TRAPPC3L: variants seen among roughly 807,000 people sequenced by gnomAD.
TRAPPC3L encodes the protein trafficking protein particle complex subunit 3L.
TRAPPC3L carries 23 observed loss-of-function variants against 23.7 expected under a neutral mutation model. The observed-to-expected ratio is 0.97, with a 90% CI of 0.70 to 1.37. The LOEUF (loss-of-function observed/expected upper bound fraction) is 1.37, where lower values mean the gene tolerates loss of function less well. TRAPPC3L is among the 40% of genes most tolerant of loss of function. The probability of loss-of-function intolerance (pLI) is 0.00; values close to 1 mark genes in which losing one functional copy is unlikely to be tolerated. For synonymous variants in TRAPPC3L, 81 were observed against 77.9 expected, an observed-to-expected ratio of 1.04 and a Z score of -0.21; for missense variants, 212 against 216.8, an observed-to-expected ratio of 0.98 and a Z score of 0.14.
At chr6:116,515,495 G>A in intron 3 of TRAPPC3L, 1 of 1,213,122 alleles carries the variant, frequency 8.2e-7, no homozygotes, top group Non-Finnish European at 1.2e-6. Context: ...AATGAGGTAT[G>A]TCAAAGACTG....
rs956989843 is a variant in TRAPPC3L, at chr6:116,495,889, T to C, written c.*1065A>G. 7.9e-5 allele frequency: 12 copies of C among 152,240 alleles called. No individual in the cohort carries two copies. Among genetic ancestry groups the C allele is most frequent in the African/African-American group, 2.9e-4 (12 of 41,470 alleles). The allele number at this position is 152,240 out of a possible 1,614,324, so 9.4% of individuals were successfully genotyped here. ...GATTATTAATTTTAATTTTTTCCTA[T>C]GGAGTTGGTTGAACTCCTTATATAT... is the stretch of plus-strand genomic sequence containing the variant. On this transcript the variant is annotated 3_prime_UTR_variant, in exon 5 of 5. Coordinates refer to ENST00000368602, the MANE Select transcript of TRAPPC3L (RefSeq NM_001139444.3).
At chr6:116,537,148 G>A (rs1773150632) in intron 3 of TRAPPC3L, among the ~76,000 whole-genome samples, 1 of 152,190 alleles carries the variant, frequency 6.6e-6, no homozygotes, top group Non-Finnish European at 1.5e-5. Flanking sequence ...TCTTACACTA[G>A]AGAAGGGTGA....
chr6:116,500,322 C>T (rs1346011115), intron 4 of TRAPPC3L, among the ~76,000 whole-genome samples, 159 bp downstream of exon 4: 8 of 152,272 alleles, frequency 5.3e-5, no homozygotes, highest in Admixed American at 2.0e-4. Flanking sequence ...AGATAATAAA[C>T]GTTTGTTTTT....
At chr6:116,507,848 A>T (rs1193317149) in intron 3 of TRAPPC3L, among the ~76,000 whole-genome samples, 1 of 152,236 alleles carries the variant, frequency 6.6e-6, no homozygotes, top group Non-Finnish European at 1.5e-5. Context: ...CAATGTGGAA[A>T]TGGAAGAAAT....
At chr6:116,498,352 A>G (rs1468431878) in intron 4 of TRAPPC3L, among the ~76,000 whole-genome samples, 1 of 152,206 alleles carries the variant, frequency 6.6e-6, no homozygotes, top group Non-Finnish European at 1.5e-5. Context: ...AAGTCTAAAA[A>G]GATGCTAGGG....
At chr6:116,530,934 TA>T in intron 3 of TRAPPC3L, among the ~76,000 whole-genome samples, 1 of 144,578 alleles carries the variant, frequency 6.9e-6, no homozygotes, top group South Asian at 2.2e-4. Context: ...TATATATATA[TA>T]TATATATATG....
chr6:116,535,376 G>C (rs1372441242), intron 3 of TRAPPC3L, among the ~76,000 whole-genome samples: 1 of 152,184 alleles, frequency 6.6e-6, no homozygotes, highest in African/African-American at 2.4e-5. Flanking sequence ...TCATCTACTG[G>C]TGAGGATCAC....
intron 3 of TRAPPC3L, among the ~76,000 whole-genome samples, chr6:116,526,346 G>C (rs1223426414): frequency 6.6e-6 from 1 of 152,162 alleles, no homozygotes. Context: ...AGGGTCTGGA[G>C]GCGTGGCAGC....
chr6:116,529,260 C>T (rs1368779838), intron 3 of TRAPPC3L: 2 of 152,248 alleles, frequency 1.3e-5, no homozygotes, highest in Non-Finnish European at 2.9e-5. Flanking sequence ...ACCTGGGTTT[C>T]CTACTTCAAT....
chr6:116,510,158 C>A (rs1029579098), intron 3 of TRAPPC3L, among the ~76,000 whole-genome samples: 5 of 152,170 alleles, frequency 3.3e-5, no homozygotes, highest in African/African-American at 1.2e-4. Flanking sequence ...ATGGCTATTA[C>A]TAAAAAGGCA....
At chr6:116,533,946 C>T (rs1301842582) in intron 3 of TRAPPC3L, among the ~76,000 whole-genome samples, 2 of 152,102 alleles carry the variant, frequency 1.3e-5, no homozygotes, top group Non-Finnish European at 2.9e-5. Context: ...TGTTCCCTGC[C>T]GGCAGTCTGA....
chr6:116,500,501 T>A lies in TRAPPC3L; in HGVS notation c.406A>T (p.Ile136Phe). 12 of 1,550,622 alleles carry A rather than the reference T, an allele frequency of 7.7e-6. No individual in the cohort carries two copies. Among genetic ancestry groups the A allele is most frequent in the Non-Finnish European group, 1.0e-5 (12 of 1,146,474 alleles). Residue 136 changes from isoleucine (I) to phenylalanine (F), a missense_variant, in exon 4 of 5, where the codon ATC becomes TTC. Ile to Phe is a conservative substitution (Grantham distance 21). Transcript: ENST00000368602. ...TTTACCATTTCCAAGGCACCTCTGA[T>A]AATCCCACAGAGCAAGTTGCAGTAG... ...LCYCNLLCGI[I>F]RGALEMVHLA...
At chr6:116,531,028 C>T (rs995710296) in intron 3 of TRAPPC3L, among the ~76,000 whole-genome samples, 1 of 150,312 alleles carries the variant, frequency 6.7e-6, no homozygotes, top group African/African-American at 2.5e-5. Context: ...GTTTTTCATA[C>T]CCAGATTCCC....
chr6:116,530,552 G>A (rs749245564), intron 3 of TRAPPC3L, among the ~76,000 whole-genome samples: 1 of 152,100 alleles, frequency 6.6e-6, no homozygotes, highest in Non-Finnish European at 1.5e-5. Context: ...GGAGAATTTA[G>A]TTATCTCCCT....
At chr6:116,527,557 T>G (rs1772482524) in intron 3 of TRAPPC3L, among the ~76,000 whole-genome samples, 1 of 151,254 alleles carries the variant, frequency 6.6e-6, no homozygotes, top group South Asian at 2.1e-4. Context: ...ATGCTATGTG[T>G]TAAGTAAATG....
chr6:116,510,359 A>T (rs773669353), intron 3 of TRAPPC3L, among the ~76,000 whole-genome samples: 3 of 152,004 alleles, frequency 2.0e-5, no homozygotes, highest in Non-Finnish European at 4.4e-5. Flanking sequence ...TTGGCTCACC[A>T]CAACCTCAGC....
At chr6:116,503,467 GAGAC>G (rs1381654952) in intron 3 of TRAPPC3L, among the ~76,000 whole-genome samples, 1 of 152,108 alleles carries the variant, frequency 6.6e-6, no homozygotes, top group Non-Finnish European at 1.5e-5. Context: ...ACAGATCAAC[GAGAC>G]AGAAAATTAA....
intron 3 of TRAPPC3L, among the ~76,000 whole-genome samples, chr6:116,509,027 C>A (rs558580683): frequency 1.3e-4 from 20 of 150,380 alleles, no homozygotes; most frequent in Admixed American, 7.3e-4. Flanking sequence ...AGTAGCCCTG[C>A]TATACACCAA....
intron 2 of TRAPPC3L, among the ~76,000 whole-genome samples, chr6:116,540,803 C>T (rs548339234): frequency 1.3e-5 from 2 of 152,226 alleles, no homozygotes; most frequent in East Asian, 1.9e-4. Context: ...TCATCATTAG[C>T]TATTGATGGA....
Sources: gnomAD v4.1 joint callset for allele counts (sites outside exome capture counted in the v4.1 genomes callset) on GRCh38, gnomAD v4.1.1 for gene constraint, MANE v1.5 for transcripts, NCBI Gene and HGNC (gene_info 2026-07-23, HGNC 2026-07-21) for gene names.